PTX3: variants seen among roughly 807,000 people sequenced by gnomAD.
PTX3 encodes pentraxin 3, also known as pentraxin-related protein PTX3.
A neutral mutation model predicts 23.5 loss-of-function variants in PTX3; 24 were observed. That is an observed-to-expected ratio of 1.02 (90% CI 0.74 to 1.43). The LOEUF is 1.43. Among genes scored for constraint, PTX3 ranks in the 40% most tolerant of loss-of-function variants. PTX3 has a pLI of 0.00. For missense variants in PTX3, 510 were observed against 497.5 expected, an observed-to-expected ratio of 1.02 and a Z score of -0.24; for synonymous variants, 218 against 205.4, an observed-to-expected ratio of 1.06 and a Z score of -0.53.
intron 2 of PTX3, 100 bp downstream of exon 2, chr3:157,438,014 A>C: frequency 4.8e-6 from 6 of 1,242,848 alleles, no homozygotes; most frequent in Non-Finnish European, 6.5e-6. Flanking sequence ...GGAAGCTTTC[A>C]TGGGAAGCGC....
At chr3:157,437,371 G>A (rs2109187766) in intron 1 of PTX3, 142 bp from the exon 2 acceptor site, 1 of 1,038,880 alleles carries the variant, frequency 9.6e-7, no homozygotes, top group African/African-American at 1.6e-5. Context: ...TTTACATGCT[G>A]TTTTTCGGAG....
rs757446502 is a variant in PTX3, at chr3:157,437,807, C to T, written c.425C>T (p.Pro142Leu). Residue 142 changes from proline to leucine, a missense_variant, in exon 2 of 3, where the codon CCA (proline) becomes CTA (leucine). Transcript: ENST00000295927. ...ARMEGAEAQR[P>L]EEAGRALAAV... Reference sequence around the variant, plus strand: ...ATGGAGGGCGCGGAGGCGCAGCGCCCAGAGGAGGCGGGGCGCGCCCTGGCC... The same window carrying T: ...ATGGAGGGCGCGGAGGCGCAGCGCCTAGAGGAGGCGGGGCGCGCCCTGGCC... 2.1e-6 allele frequency: 3 copies of T among 1,461,822 alleles called. No homozygotes were observed. In the South Asian group the frequency reaches 4.1e-5, roughly 20 times the overall value. 90.6% of individuals were successfully genotyped at this position (1,461,822 alleles called of 1,614,324 possible).
At chr3:157,437,195 C>A (rs186878387) in intron 1 of PTX3, 132 bp downstream of exon 1, 438 of 1,253,624 alleles carry the variant, frequency 3.5e-4, no homozygotes, top group Non-Finnish European at 4.8e-4. Flanking sequence ...AAGTGAGAAG[C>A]ACTTGAAGAA....
chr3:157,442,463 C>T lies in PTX3; in HGVS notation c.630C>T (p.Cys210=), dbSNP rs1734202047. ...TGAGGCTTGAGTCTTTTAGTGCCTG[C>T]ATTTGGGTCAAAGCCACAGATGTAT... The part of the protein sequence containing the change: ...RPMRLESFSA[C]IWVKATDVLN... Residue 210 remains cysteine (C), a synonymous_variant, in exon 3 of 3, where the codon TGC becomes TGT. Coordinates refer to ENST00000295927, the MANE Select transcript of PTX3 (RefSeq NM_002852.4). 2.5e-6 allele frequency: 4 copies of T among 1,614,168 alleles called. No individual in the cohort carries two copies. The East Asian group carries it at 6.7e-5, about 27-fold the overall frequency.
chr3:157,440,226 A>G (rs1171965677), intron 2 of PTX3, among the ~76,000 whole-genome samples: 17 of 152,356 alleles, frequency 1.1e-4, no homozygotes, highest in Admixed American at 5.9e-4. Context: ...AGTTCAAATT[A>G]TTTAGTGAAA....
intron 2 of PTX3, among the ~76,000 whole-genome samples, chr3:157,442,157 C>G (rs553859416): frequency 6.6e-6 from 1 of 152,110 alleles, no homozygotes; most frequent in Non-Finnish European, 1.5e-5. Context: ...CATTTAGATG[C>G]TTCATTGGAT....
intron 2 of PTX3, among the ~76,000 whole-genome samples, chr3:157,440,949 T>C (rs189364298): frequency 4.3e-3 from 656 of 152,280 alleles, no homozygotes; most frequent in Non-Finnish European, 5.9e-3. Context: ...ATAGTAATTA[T>C]AAGCATGTGG....
intron 2 of PTX3, among the ~76,000 whole-genome samples, chr3:157,440,889 G>A (rs1734066177): frequency 6.6e-6 from 1 of 152,046 alleles, no homozygotes; most frequent in African/African-American, 2.4e-5. Flanking sequence ...TCTCCAACCA[G>A]GCCCCTTGAA....
intron 2 of PTX3, among the ~76,000 whole-genome samples, chr3:157,441,936 A>G (rs1242648163): frequency 6.6e-6 from 1 of 152,162 alleles, no homozygotes; most frequent in African/African-American, 2.4e-5. Flanking sequence ...TTATTTTAGG[A>G]ACTTGGTGGT....
At chr3:157,438,709 A>G (rs1020368699) in intron 2 of PTX3, among the ~76,000 whole-genome samples, 3 of 152,162 alleles carry the variant, frequency 2.0e-5, no homozygotes, top group Admixed American at 6.5e-5. Context: ...CCCATGTGAC[A>G]CTCCATGAAT....
At position 157,441,359 on chromosome 3, in the gene PTX3, G is replaced by T. The variant is rs140560672; in HGVS notation, c.533-1007G>T. The stretch of plus-strand genomic sequence containing the variant: ...GACTATCTCTTATGGTTGGCATAAG[G>T]ATTAAAATGACAAACAAAATGATTA... On this transcript the variant is annotated intron_variant, in intron 2 of 2. Transcript: ENST00000295927. Among the ~76,000 whole-genome samples, 161 of 152,304 alleles carry T rather than the reference G, an allele frequency of 1.1e-3. 1 individual carries two copies. The highest frequency in any genetic ancestry group is 2.8e-3 in the African/African-American group (118 of 41,558).
At position 157,437,688 on chromosome 3, in the gene PTX3, G is replaced by A. The variant is rs1171437470; in HGVS notation, c.306G>A (p.Pro102=). The change falls in exon 2 of 3, where the codon CCG becomes CCA. Residue 102 remains proline (P), a synonymous_variant. Transcript: ENST00000295927. ...LGRLAESLAR[P]CAPGAPAEAR... is the part of the protein sequence containing the mutation. Reference sequence around the variant, plus strand: ...GGCTCGCGGAAAGCCTGGCGAGGCCGTGCGCGCCGGGGGCTCCCGCAGAGG... The same window carrying A: ...GGCTCGCGGAAAGCCTGGCGAGGCCATGCGCGCCGGGGGCTCCCGCAGAGG... The A allele has an allele frequency of 5.9e-6, 9 of 1,533,654 alleles. No homozygotes were observed. The East Asian group carries it at 9.8e-5, about 17-fold the overall frequency.
intron 2 of PTX3, 48 bp downstream of exon 2, chr3:157,437,962 G>C (rs1260913994): frequency 6.6e-7 from 1 of 1,511,754 alleles, no homozygotes. Context: ...CTTTGTTCCG[G>C]GAGCGCGCGT....
chr3:157,441,942 G>C (rs968135316), intron 2 of PTX3, among the ~76,000 whole-genome samples: 3 of 152,148 alleles, frequency 2.0e-5, no homozygotes, highest in African/African-American at 7.2e-5. Context: ...TAGGAACTTG[G>C]TGGTGGCAAA....
At position 157,436,887 on chromosome 3, in the gene PTX3, G is replaced by A. The variant is rs747041064; in HGVS notation, c.-47G>A. 8.8e-6 allele frequency: 14 copies of A among 1,599,926 alleles called. No individual in the cohort carries two copies. The East Asian group carries it at 2.9e-4, about 33-fold the overall frequency. On this transcript the variant is annotated 5_prime_UTR_variant, in exon 1 of 3. Transcript: ENST00000295927. ...CTCCGCTCAAACTCAGCTCACTTGAGAGTCTCCTCCCGCCAGCTGTGGAAA... is the reference window on the plus strand; with the variant it reads ...CTCCGCTCAAACTCAGCTCACTTGAAAGTCTCCTCCCGCCAGCTGTGGAAA...
chr3:157,443,113 T>C lies in PTX3; in HGVS notation c.*134T>C. On this transcript the variant is annotated 3_prime_UTR_variant, in exon 3 of 3. Coordinates refer to ENST00000295927, the MANE Select transcript of PTX3 (RefSeq NM_002852.4). ...GAAAGAGAGAGTTGAGACCAATCTT[T>C]ATTTGTACTGGCCAAATACTGAATA... is the stretch of plus-strand genomic sequence containing the variant. 1 of 1,066,268 alleles carries C rather than the reference T, an allele frequency of 9.4e-7. No individual in the cohort carries two copies. The highest frequency in any genetic ancestry group is 1.3e-6 in the Non-Finnish European group (1 of 755,380). The allele number at this position is 1,066,268 out of a possible 1,614,324, so 66.1% of individuals were successfully genotyped here.
chr3:157,437,493 G>T lies in PTX3; in HGVS notation c.131-20G>T, dbSNP rs1733699321. 1.9e-6 allele frequency: 3 copies of T among 1,595,296 alleles called. No homozygotes were observed. The highest frequency in any genetic ancestry group is 2.7e-5 in the African/African-American group (2 of 74,438). On this transcript the variant is annotated intron_variant, in intron 1 of 2. Coordinates refer to ENST00000295927, the MANE Select transcript of PTX3 (RefSeq NM_002852.4). Reference sequence around the variant, plus strand: ...GCAGGCCTGGGCGGGCTGCTAACGTGTGTGTATCCCGTACTCTAGCCACGC... The same window carrying T: ...GCAGGCCTGGGCGGGCTGCTAACGTTTGTGTATCCCGTACTCTAGCCACGC...
In PTX3 at chr3:157,442,362, C is replaced by T. The variant is rs773320106; in HGVS notation, c.533-4C>T. 50 of 1,599,298 alleles carry T rather than the reference C, an allele frequency of 3.1e-5. No individual in the cohort carries two copies. Among genetic ancestry groups the T allele is most frequent in the Non-Finnish European group, 4.2e-5 (49 of 1,167,556 alleles). On this transcript the variant is annotated splice_region_variant and splice_polypyrimidine_tract_variant and intron_variant, in intron 2 of 2. Coordinates refer to ENST00000295927, the MANE Select transcript of PTX3 (RefSeq NM_002852.4). The stretch of plus-strand genomic sequence containing the variant: ...ATATTCTTCTTATTTTCTTGCTACT[C>T]TAGGTTGTGAAACAGCTATTTTATT...
Position 157,437,630 on chromosome 3 carries a change from G to C in PTX3, c.248G>C (p.Gly83Ala), listed in dbSNP as rs148943471. ...CAAGCCACGGACGACGTCCTGCGGG[G>C]CGAGCTGCAGAGGCTGCGGGAGGAG... Reference protein sequence around the residue: ...LLQATDDVLRGELQRLREELG... With the variant: ...LLQATDDVLRAELQRLREELG... The change falls in exon 2 of 3, where the codon GGC becomes GCC. Residue 83 changes from glycine (G) to alanine (A), a missense_variant. Transcript: ENST00000295927. The C allele has an allele frequency of 3.0e-3, 4,724 of 1,555,518 alleles. 61 individuals carry two copies. Among genetic ancestry groups the C allele is most frequent in the South Asian group, 0.024 (2,008 of 84,522 alleles).
Sources: allele counts gnomAD v4.1 joint callset (sites outside exome capture counted in the v4.1 genomes callset), GRCh38; gene constraint gnomAD v4.1.1; transcripts MANE v1.5; gene names NCBI Gene and HGNC (gene_info 2026-07-23, HGNC 2026-07-21).